NAPEPLD: variants seen among roughly 807,000 people sequenced by gnomAD.
NAPEPLD encodes the protein N-acyl-phosphatidylethanolamine-hydrolyzing phospholipase D.
NAPEPLD carries 23 observed loss-of-function variants against 38.1 expected under a neutral mutation model. The ratio of observed to expected loss-of-function variants is 0.60; its 90% CI spans 0.43 to 0.86. The LOEUF (loss-of-function observed/expected upper bound fraction) is 0.86. Among genes scored for constraint, NAPEPLD ranks in the 40% least tolerant of loss-of-function variants. NAPEPLD has a pLI of 0.00. For missense variants in NAPEPLD, 411 were observed against 476.8 expected (o/e 0.86, Z 1.28); for synonymous variants, 147 against 162.0 (o/e 0.91, Z 0.71).
At chr7:103,140,454 G>C (rs527903647) in intron 1 of NAPEPLD, among the ~76,000 whole-genome samples, 9 of 143,530 alleles carry the variant, frequency 6.3e-5, no homozygotes, top group Non-Finnish European at 1.2e-4. Flanking sequence ...GTGCAGTGGC[G>C]TGATCTCGGC....
In NAPEPLD at chr7:103,102,770, A is replaced by T. The variant is rs1250409312; in HGVS notation, c.*659T>A. The T allele has an allele frequency of 6.6e-6, 1 of 152,638 alleles. No homozygotes were observed. The highest frequency in any genetic ancestry group is 1.5e-5 in the Non-Finnish European group (1 of 68,042). 9.5% of individuals were successfully genotyped at this position (152,638 alleles called of 1,614,324 possible). On this transcript the variant is annotated 3_prime_UTR_variant, in exon 5 of 5. Transcript: ENST00000465647. ...AGAACTGTACACTTAAAAATGGTTA[A>T]AATGGTAAATGTTTAAAATGGCAAA... is the stretch of plus-strand genomic sequence containing the variant.
intron 1 of NAPEPLD, among the ~76,000 whole-genome samples, chr7:103,143,480 T>C (rs1445844126): frequency 2.0e-5 from 3 of 152,210 alleles, no homozygotes; most frequent in Non-Finnish European, 4.4e-5. Flanking sequence ...CTCAGCCTTC[T>C]AGCTAGGGAT....
At chr7:103,104,366 C>G (rs552441370) in intron 4 of NAPEPLD, among the ~76,000 whole-genome samples, 8 of 152,298 alleles carry the variant, frequency 5.3e-5, no homozygotes, top group South Asian at 2.1e-4. Flanking sequence ...GAGAAACCAA[C>G]TACAGAAGAG....
At chr7:103,127,283 A>G (rs565528860) in intron 2 of NAPEPLD, 29 of 152,364 alleles carry the variant, frequency 1.9e-4, no homozygotes, top group Admixed American at 1.6e-3. Context: ...CCACAGCCAC[A>G]CTAGAAATAA....
At chr7:103,119,386 T>TA (rs1445085881) in intron 3 of NAPEPLD, among the ~76,000 whole-genome samples, 191 bp downstream of exon 3, 2 of 151,976 alleles carry the variant, frequency 1.3e-5, no homozygotes, top group Admixed American at 1.3e-4. Flanking sequence ...CTTGTCAATT[T>TA]AAAAAATATT....
At chr7:103,109,176 T>TC in intron 4 of NAPEPLD, among the ~76,000 whole-genome samples, 1 of 152,228 alleles carries the variant, frequency 6.6e-6, no homozygotes, top group East Asian at 1.9e-4. Flanking sequence ...ATTAGACAGA[T>TC]CAACGAGACA....
intron 2 of NAPEPLD, among the ~76,000 whole-genome samples, chr7:103,120,552 T>G (rs1806438338): frequency 6.6e-6 from 1 of 152,106 alleles, no homozygotes; most frequent in Non-Finnish European, 1.5e-5. Context: ...GATGCAGTCA[T>G]TTTTCTATTG....
At chr7:103,142,902 G>A (rs1432268941) in intron 1 of NAPEPLD, among the ~76,000 whole-genome samples, 1 of 151,990 alleles carries the variant, frequency 6.6e-6, no homozygotes, top group Non-Finnish European at 1.5e-5. Context: ...AAAGTCAACA[G>A]TGGAGATCCC....
At chr7:103,147,085 T>A (rs1443842628) in intron 1 of NAPEPLD, among the ~76,000 whole-genome samples, 1 of 152,212 alleles carries the variant, frequency 6.6e-6, no homozygotes. Flanking sequence ...GTCTCCAAAG[T>A]CTGTTAGTAA....
intron 2 of NAPEPLD, 27 bp from the exon 3 acceptor site, chr7:103,120,250 AAG>A: frequency 6.3e-7 from 1 of 1,579,802 alleles, no homozygotes; most frequent in Non-Finnish European, 8.6e-7. Flanking sequence ...AGCAAGACAA[AAG>A]AGTAGTTAGA....
intron 4 of NAPEPLD, 58 bp downstream of exon 4, chr7:103,115,002 G>A (rs1198055461): frequency 7.7e-7 from 1 of 1,293,012 alleles, no homozygotes; most frequent in South Asian, 1.3e-5. Context: ...GAACAGTGAT[G>A]CCTGAATCCT....
intron 1 of NAPEPLD, chr7:103,129,255 A>G (rs1354525520): frequency 4.2e-5 from 40 of 951,526 alleles, no homozygotes; most frequent in Non-Finnish European, 4.8e-5. Flanking sequence ...AACAAAACAA[A>G]CATGAAAGAA....
chr7:103,141,312 T>TA, intron 1 of NAPEPLD: 1 of 471,136 alleles, frequency 2.1e-6, no homozygotes, highest in South Asian at 1.7e-5. Context: ...ATCTATGTAA[T>TA]CACGGAGGCC....
chr7:103,118,834 T>A (rs1485999509), intron 3 of NAPEPLD, among the ~76,000 whole-genome samples: 1 of 152,052 alleles, frequency 6.6e-6, no homozygotes, highest in African/African-American at 2.4e-5. Context: ...CCAATGAGAG[T>A]GTGACCTTTC....
intron 4 of NAPEPLD, among the ~76,000 whole-genome samples, chr7:103,111,471 C>T: frequency 6.6e-6 from 1 of 152,204 alleles, no homozygotes; most frequent in Non-Finnish European, 1.5e-5. Flanking sequence ...CTACAACCAT[C>T]TGATCTTTGA....
rs535382973 is a variant in NAPEPLD at position 103,128,326 on chromosome 7, C to T, written c.294+157G>A. ...TCAGGGTTGGTTATTCCTATATGTA[C>T]TCTGCTACTGAACGATGAACTTTAG... On this transcript the variant is annotated intron_variant, in intron 2 of 4. Coordinates refer to ENST00000465647, the MANE Select transcript of NAPEPLD (RefSeq NM_001122838.3). 3.6e-6 allele frequency: 3 copies of T among 827,978 alleles called. No individual in the cohort carries two copies. The East Asian group carries it at 7.9e-5, about 22-fold the overall frequency. 51.3% of individuals were successfully genotyped at this position (827,978 alleles called of 1,614,324 possible).
At chr7:103,148,194 G>T in intron 1 of NAPEPLD, 1 of 696,046 alleles carries the variant, frequency 1.4e-6, no homozygotes, top group Non-Finnish European at 1.8e-6. Flanking sequence ...TCTCAGGAAT[G>T]ACTTCCTGGA....
intron 1 of NAPEPLD, chr7:103,148,077 G>C (rs1812946491): frequency 4.1e-6 from 4 of 985,020 alleles, no homozygotes; most frequent in Non-Finnish European, 4.8e-6. Context: ...CGATGTCCAT[G>C]TCTGCGGCTA....
intron 1 of NAPEPLD, among the ~76,000 whole-genome samples, chr7:103,136,775 G>C (rs963029724): frequency 1.3e-5 from 2 of 151,614 alleles, no homozygotes; most frequent in African/African-American, 4.9e-5. Context: ...GACTATAAAA[G>C]TAAGTAAGTT....
Sources: gnomAD v4.1 joint callset for allele counts (sites outside exome capture counted in the v4.1 genomes callset) on GRCh38, gnomAD v4.1.1 for gene constraint, MANE v1.5 for transcripts, NCBI Gene and HGNC (gene_info 2026-07-23, HGNC 2026-07-21) for gene names.